Variants in KRT72 observed in about 807,000 individuals in gnomAD.
KRT72 encodes the protein keratin 72, also known as keratin, type II cytoskeletal 72.
Under a neutral mutation model 44.7 loss-of-function variants are expected in KRT72, and 44 were observed. That is an observed-to-expected ratio of 0.98 (90% CI 0.77 to 1.27). The LOEUF (loss-of-function observed/expected upper bound fraction) is 1.27, where lower values mean the gene tolerates loss of function less well. KRT72 is among the 50% of genes most tolerant of loss of function. KRT72 has a pLI of 0.00. For synonymous variants in KRT72, 302 were observed against 280.4 expected (o/e 1.08, Z -0.77); for missense variants, 736 against 667.1 (o/e 1.10, Z -1.14).
intron 2 of KRT72, among the ~76,000 whole-genome samples, chr12:52,593,752 A>G (rs2120770751): frequency 6.6e-6 from 1 of 152,364 alleles, no homozygotes; most frequent in South Asian, 2.1e-4. Flanking sequence ...TAAGTGAAAG[A>G]AGCCAATCAC....
rs1427732641 is a variant in KRT72 at position 52,585,984 on chromosome 12, A to T, written c.1534T>A (p.Ter512ArgextTer77). The change falls in exon 9 of 9, where the codon TGA (stop) becomes AGA (arginine). Residue 512 changes from the stop codon to arginine (R), a stop_lost. Transcript: ENST00000293745. Reference protein sequence around the residue: ...SSCATKKASR* With the variant: ...SSCATKKASRR The stretch of plus-strand genomic sequence containing the variant: ...TCACAGAGCCAACCACTTGTCCATC[A>T]TCTGGAGGCCTTTTTGGTGGCACAG... 1.2e-6 allele frequency: 2 copies of T among 1,612,112 alleles called. No homozygotes were observed. Among genetic ancestry groups the T allele is most frequent in the East Asian group, 4.5e-5 (2 of 44,842 alleles).
At chr12:52,587,540 G>A (rs1184019011) in intron 7 of KRT72, 91 bp downstream of exon 7, 2 of 1,344,732 alleles carry the variant, frequency 1.5e-6, no homozygotes, top group African/African-American at 1.4e-5. Context: ...TACTTCAGTA[G>A]GACCTAAACA....
intron 4 of KRT72, 136 bp from the exon 5 acceptor site, chr12:52,591,764 T>C: frequency 1.2e-6 from 1 of 819,672 alleles, no homozygotes; most frequent in South Asian, 1.9e-5. Context: ...CACCAGTGCC[T>C]GGCAGGCACG....
At chr12:52,597,032 G>A (rs1399328652) in intron 2 of KRT72, among the ~76,000 whole-genome samples, 2 of 152,198 alleles carry the variant, frequency 1.3e-5, no homozygotes, top group South Asian at 2.1e-4. Context: ...CTTTTTAGAT[G>A]AAGGGTGATG....
intron 2 of KRT72, among the ~76,000 whole-genome samples, chr12:52,596,448 T>C (rs766877886): frequency 2.6e-5 from 4 of 152,236 alleles, no homozygotes; most frequent in Non-Finnish European, 5.9e-5. Context: ...TTAATACTTA[T>C]TTAACAAAAT....
intron 2 of KRT72, among the ~76,000 whole-genome samples, chr12:52,594,315 T>G (rs1250215441): frequency 6.6e-6 from 1 of 152,142 alleles, no homozygotes; most frequent in Non-Finnish European, 1.5e-5. Context: ...CACACATATG[T>G]TTTTTGTGGC....
Position 52,587,821 on chromosome 12 carries a change from C to T in KRT72, c.1120G>A (p.Ala374Thr), listed in dbSNP as rs200656498. Residue 374 changes from alanine (A) to threonine (T), a missense_variant, in exon 7 of 9, where the codon GCT becomes ACT. By Grantham distance (58) the Ala-to-Thr change is moderately conservative. Transcript: ENST00000293745. ...AGGGCGCAGTCCCCCCGCTGTTCAG[C>T]GTCGGCGATGGCCGTCTCCAGATCG... ...CADLETAIAD[A>T]EQRGDCALKD... is the part of the protein sequence containing the mutation. 221 of 1,614,124 alleles carry T rather than the reference C, an allele frequency of 1.4e-4. 3 individuals are homozygous for T. In the South Asian group the frequency reaches 1.9e-3, roughly 14 times the overall value.
rs1939827931 is a variant in KRT72, at chr12:52,587,683, G to A, written c.1258C>T (p.Leu420=). Residue 420 remains leucine, a synonymous_variant, in exon 7 of 9, where the codon CTG becomes TTG. Transcript: ENST00000293745. ...CGGTAGGTGGCGATCTCCATATCCA[G>A]GGCCAGCTTCAGGCTCACGAGCTCC... is the stretch of plus-strand genomic sequence containing the variant. The part of the protein sequence containing the change: ...YQELVSLKLA[L]DMEIATYRKL... 6.2e-7 allele frequency: 1 copy of A among 1,614,186 alleles called. No individual in the cohort carries two copies. The highest frequency in any genetic ancestry group is 8.5e-7 in the Non-Finnish European group (1 of 1,180,038).
intron 6 of KRT72, 22 bp downstream of exon 6, chr12:52,590,814 G>T: frequency 6.4e-7 from 1 of 1,558,368 alleles, no homozygotes; most frequent in Non-Finnish European, 8.8e-7. Flanking sequence ...TACTGTTAGT[G>T]GATTAATTTC....
chr12:52,589,313 C>T (rs1939904028), intron 6 of KRT72, among the ~76,000 whole-genome samples: 1 of 152,128 alleles, frequency 6.6e-6, no homozygotes, highest in South Asian at 2.1e-4. Flanking sequence ...CCAATGCCCT[C>T]GTATTTTGGA....
At chr12:52,591,414 A>G (rs1257983269) in intron 5 of KRT72, 50 bp downstream of exon 5, 7 of 1,571,808 alleles carry the variant, frequency 4.5e-6, no homozygotes, top group East Asian at 4.5e-5. Flanking sequence ...ACATACTGAG[A>G]GGGTGCTAGC....
chr12:52,593,630 A>G (rs1227433409), intron 2 of KRT72, among the ~76,000 whole-genome samples: 2 of 152,262 alleles, frequency 1.3e-5, no homozygotes, highest in African/African-American at 4.8e-5. Flanking sequence ...AATTAATGCT[A>G]AATGGATAAG....
chr12:52,601,625 A>G (rs1475528661), upstream of KRT72: 2 of 641,092 alleles, frequency 3.1e-6, no homozygotes, highest in East Asian at 5.7e-5. Context: ...CATGTAGGAA[A>G]TTACCATGCA....
intron 6 of KRT72, among the ~76,000 whole-genome samples, chr12:52,589,146 G>A (rs941466114): frequency 6.6e-6 from 1 of 152,154 alleles, no homozygotes; most frequent in Admixed American, 6.5e-5. Flanking sequence ...CTCAGCTAAG[G>A]TTTTGGTGGG....
chr12:52,588,302 T>C (rs1193019339), intron 6 of KRT72, among the ~76,000 whole-genome samples: 1 of 152,224 alleles, frequency 6.6e-6, no homozygotes, highest in African/African-American at 2.4e-5. Flanking sequence ...TAATAAATTG[T>C]CCTATAAACT....
intron 6 of KRT72, 146 bp from the exon 7 acceptor site, chr12:52,587,997 A>G: frequency 1.4e-6 from 1 of 731,308 alleles, no homozygotes; most frequent in Non-Finnish European, 2.2e-6. Flanking sequence ...CCTAGAGGTG[A>G]GTCTGTCCTT....
chr12:52,592,569 G>T, intron 3 of KRT72, 78 bp from the exon 4 acceptor site: 3 of 1,066,946 alleles, frequency 2.8e-6, no homozygotes, highest in Non-Finnish European at 4.2e-6. Flanking sequence ...AGGAAGCCTT[G>T]CTCTTTCCTC....
chr12:52,589,045 G>A (rs1167572330), intron 6 of KRT72, among the ~76,000 whole-genome samples: 2 of 151,950 alleles, frequency 1.3e-5, no homozygotes, highest in Non-Finnish European at 2.9e-5. Flanking sequence ...AAAGAAGATA[G>A]CTTTGCATAA....
At chr12:52,599,566 C>A (rs7973012) in intron 1 of KRT72, among the ~76,000 whole-genome samples, 52,605 of 152,016 alleles carry the variant, frequency 0.35, 9,772 homozygotes, top group East Asian at 0.59. Flanking sequence ...CACATCTTCA[C>A]AAAGTTCCTT....
Sources: allele counts gnomAD v4.1 joint callset (sites outside exome capture counted in the v4.1 genomes callset), GRCh38; gene constraint gnomAD v4.1.1; transcripts MANE v1.5; gene names NCBI Gene and HGNC (gene_info 2026-07-23, HGNC 2026-07-21).